Variants in TRIO observed in about 807,000 individuals in gnomAD.
The protein encoded by TRIO is trio Rho guanine nucleotide exchange factor, also known as triple functional domain protein.
Under a neutral mutation model 351.9 loss-of-function variants are expected in TRIO, and 58 were observed. The ratio of observed to expected loss-of-function variants is 0.16; its 90% CI spans 0.13 to 0.21. TRIO has a LOEUF of 0.21. Among genes scored for constraint, TRIO ranks in the 10% least tolerant of loss-of-function variants. The probability of loss-of-function intolerance (pLI) is 1.00; values close to 1 mark genes in which losing one functional copy is unlikely to be tolerated. For synonymous variants in TRIO, 1,758 were observed against 1,595.7 expected (o/e 1.10, Z -2.42); for missense variants, 3,201 against 4,027.8 (o/e 0.79, Z 5.56).
At chr5:14,274,226 T>A (rs996418009) in intron 2 of TRIO, among the ~76,000 whole-genome samples, 2 of 152,154 alleles carry the variant, frequency 1.3e-5, no homozygotes, top group African/African-American at 4.8e-5. Flanking sequence ...GTGTGTTACC[T>A]CCTGATGTTT....
Position 14,358,161 on chromosome 5 carries a change from C to A in TRIO, c.2047-17C>A, listed in dbSNP as rs532742783. 9.3e-6 allele frequency: 15 copies of A among 1,607,566 alleles called. No individual in the cohort carries two copies. The highest frequency in any genetic ancestry group is 1.2e-5 in the Non-Finnish European group (14 of 1,175,356). On this transcript the variant is annotated splice_polypyrimidine_tract_variant and intron_variant, in intron 11 of 56. Transcript: ENST00000344204. ...CAGCCAGGCCGGCCGGCCTCACCCC[C>A]CTCTCCCCTTCCCCAGCTGTGGACG...
At chr5:14,321,395 C>T (rs1002095050) in intron 9 of TRIO, among the ~76,000 whole-genome samples, 1 of 152,270 alleles carries the variant, frequency 6.6e-6, no homozygotes, top group East Asian at 1.9e-4. Context: ...GTTGAAGGAG[C>T]TCATGCTTAC....
At chr5:14,444,660 T>G (rs1341673587) in intron 34 of TRIO, among the ~76,000 whole-genome samples, 1 of 152,252 alleles carries the variant, frequency 6.6e-6, no homozygotes, top group Non-Finnish European at 1.5e-5. Context: ...CATTGAAGGT[T>G]CTATTTCATT....
At chr5:14,488,727 G>A in intron 48 of TRIO, 2 of 579,558 alleles carry the variant, frequency 3.5e-6, no homozygotes, top group East Asian at 2.9e-5. Flanking sequence ...TGCTGGGGAA[G>A]ACCATTCCCT....
At chr5:14,500,504 C>T (rs1757212142) in intron 53 of TRIO, among the ~76,000 whole-genome samples, 1 of 152,182 alleles carries the variant, frequency 6.6e-6, no homozygotes, top group Non-Finnish European at 1.5e-5. Flanking sequence ...TGGCCCTGCA[C>T]CCTGAGGACA....
chr5:14,145,767 T>G (rs1323650292), intron 1 of TRIO, among the ~76,000 whole-genome samples: 3 of 152,188 alleles, frequency 2.0e-5, no homozygotes, highest in African/African-American at 7.2e-5. Flanking sequence ...CTTCTGCTGC[T>G]GCTAAGAGCC....
chr5:14,269,114 C>T (rs951189091), intron 1 of TRIO, among the ~76,000 whole-genome samples: 1 of 152,160 alleles, frequency 6.6e-6, no homozygotes, highest in Non-Finnish European at 1.5e-5. Context: ...TCAAATCTAC[C>T]CATAACTGGC....
chr5:14,478,160 A>G (rs905250327), intron 41 of TRIO, among the ~76,000 whole-genome samples: 1 of 152,262 alleles, frequency 6.6e-6, no homozygotes, highest in Non-Finnish European at 1.5e-5. Flanking sequence ...ACATTTATCA[A>G]GTGCAATTAA....
Position 14,509,298 on chromosome 5 carries a change from A to G in TRIO, c.*876A>G. On this transcript the variant is annotated 3_prime_UTR_variant, in exon 57 of 57. Transcript: ENST00000344204. ...ATGTTGTGGCTTTAACATTTTATGC[A>G]ACTATTTATGAAGACCTCTGTTGTA... 1 of 388,322 alleles carries G rather than the reference A, an allele frequency of 2.6e-6. No individual in the cohort carries two copies. The highest frequency in any genetic ancestry group is 1.9e-5 in the South Asian group (1 of 53,356). 24.1% of individuals were successfully genotyped at this position (388,322 alleles called of 1,614,324 possible). A position where few individuals can be genotyped will look rare whatever the true frequency, so the allele number is the denominator to read the frequency against.
chr5:14,369,370 A>C lies in TRIO; in HGVS notation c.3067-4A>C. On this transcript the variant is annotated splice_polypyrimidine_tract_variant and splice_region_variant and intron_variant, in intron 17 of 56. Transcript: ENST00000344204. The stretch of plus-strand genomic sequence containing the variant: ...TCTGAGCCTCAAACTTTTCCTGCTC[A>C]CAGGTCTGCAGCGTCCTCGAGAGCC... The C allele has an allele frequency of 6.2e-7, 1 of 1,602,318 alleles. No homozygotes were observed. The highest frequency in any genetic ancestry group is 8.5e-7 in the Non-Finnish European group (1 of 1,173,886).
At chr5:14,453,932 A>G (rs1053445321) in intron 34 of TRIO, among the ~76,000 whole-genome samples, 3 of 151,792 alleles carry the variant, frequency 2.0e-5, no homozygotes, top group Admixed American at 2.0e-4. Context: ...TTTGCATAAT[A>G]GATGCATCTT....
chr5:14,211,169 G>GATTC (rs1237853078), intron 1 of TRIO, among the ~76,000 whole-genome samples: 1 of 152,158 alleles, frequency 6.6e-6, no homozygotes, highest in African/African-American at 2.4e-5. Flanking sequence ...TTAGATCAAC[G>GATTC]ATTCATATAT....
chr5:14,474,191 C>T (rs950430668), intron 40 of TRIO, 94 bp downstream of exon 40: 18 of 1,227,330 alleles, frequency 1.5e-5, no homozygotes, highest in Non-Finnish European at 1.8e-5. Flanking sequence ...TTCTGTTCAT[C>T]GTATTACCTG....
At chr5:14,425,830 C>T (rs1750595863) in intron 34 of TRIO, among the ~76,000 whole-genome samples, 1 of 152,190 alleles carries the variant, frequency 6.6e-6, no homozygotes, top group Non-Finnish European at 1.5e-5. Context: ...TAAATACTAA[C>T]TCTGCCAGCG....
chr5:14,292,895 C>A, intron 5 of TRIO, 117 bp from the exon 6 acceptor site: 1 of 1,418,722 alleles, frequency 7.0e-7, no homozygotes, highest in Non-Finnish European at 9.7e-7. Flanking sequence ...AATCAGACAG[C>A]GCTTGAAGTT....
chr5:14,356,828 A>G (rs1043719281), intron 11 of TRIO, among the ~76,000 whole-genome samples: 13 of 151,628 alleles, frequency 8.6e-5, no homozygotes, highest in Admixed American at 8.6e-4. Flanking sequence ...GTATGGATAA[A>G]TCTCAGGGTA....
intron 24 of TRIO, 113 bp downstream of exon 24, chr5:14,388,792 A>C: frequency 8.2e-7 from 1 of 1,214,338 alleles, no homozygotes; most frequent in Non-Finnish European, 1.1e-6. Context: ...TTTTTCTGTC[A>C]TTTTTTTAAA....
intron 1 of TRIO, among the ~76,000 whole-genome samples, chr5:14,153,792 C>A (rs1787959427): frequency 6.6e-6 from 1 of 152,132 alleles, no homozygotes; most frequent in Non-Finnish European, 1.5e-5. Flanking sequence ...GTAGGCATGA[C>A]CCCTCCTCTA....
At chr5:14,401,140 T>G in intron 31 of TRIO, 76 bp downstream of exon 31, 1 of 1,214,530 alleles carries the variant, frequency 8.2e-7, no homozygotes, top group South Asian at 1.4e-5. Flanking sequence ...TTCCGTTGTT[T>G]TCATATTATT....
Sources: gnomAD v4.1 joint callset for allele counts (sites outside exome capture counted in the v4.1 genomes callset) on GRCh38, gnomAD v4.1.1 for gene constraint, MANE v1.5 for transcripts, NCBI Gene and HGNC (gene_info 2026-07-23, HGNC 2026-07-21) for gene names.